CMSS1: variants seen among roughly 807,000 people sequenced by gnomAD.
CMSS1 encodes cms1 ribosomal small subunit homolog, also known as protein CMSS1.
In CMSS1, 33 loss-of-function variants were observed where a neutral mutation model predicts 43.5. The ratio of observed to expected loss-of-function variants is 0.76; its 90% CI spans 0.57 to 1.01. CMSS1 has a LOEUF of 1.01. Ranked by LOEUF, CMSS1 falls within the 50% of genes least tolerant of loss-of-function variation. The probability of loss-of-function intolerance (pLI) is 0.00; values close to 1 mark genes in which losing one functional copy is unlikely to be tolerated. For synonymous variants in CMSS1, 115 were observed against 117.2 expected, an observed-to-expected ratio of 0.98 and a Z score of 0.12; for missense variants, 313 against 326.4, an observed-to-expected ratio of 0.96 and a Z score of 0.32.
At chr3:100,053,954 C>T (rs1234102917) in intron 1 of CMSS1, among the ~76,000 whole-genome samples, 1 of 152,244 alleles carries the variant, frequency 6.6e-6, no homozygotes, top group Admixed American at 6.5e-5. Flanking sequence ...CTGGCCCACA[C>T]TTCTTCCCAA....
chr3:100,076,663 A>G (rs9823908), intron 1 of CMSS1, among the ~76,000 whole-genome samples: 27,633 of 152,060 alleles, frequency 0.18, 2,905 homozygotes, highest in South Asian at 0.25. Flanking sequence ...TTTACTGTTC[A>G]TTTTTCTGAT....
At chr3:99,894,424 A>G (rs888086251) in intron 1 of CMSS1, among the ~76,000 whole-genome samples, 9 of 151,700 alleles carry the variant, frequency 5.9e-5, no homozygotes, top group Admixed American at 2.0e-4. Context: ...CTGGTGTGCT[A>G]TTTTCTTGTT....
At chr3:99,956,677 C>T (rs1049976939) in intron 1 of CMSS1, among the ~76,000 whole-genome samples, 3 of 152,190 alleles carry the variant, frequency 2.0e-5, no homozygotes, top group African/African-American at 7.2e-5. Context: ...TCATAAGCAT[C>T]GCCTCTTAAA....
At chr3:99,829,175 T>C (rs1305947604) in intron 1 of CMSS1, among the ~76,000 whole-genome samples, 1 of 152,226 alleles carries the variant, frequency 6.6e-6, no homozygotes, top group Non-Finnish European at 1.5e-5. Flanking sequence ...TCCAGGGTCA[T>C]GCTTCCAGTT....
intron 6 of CMSS1, among the ~76,000 whole-genome samples, chr3:100,168,212 G>A (rs2067080619): frequency 6.6e-6 from 1 of 152,156 alleles, no homozygotes; most frequent in African/African-American, 2.4e-5. Flanking sequence ...AGAGGGGAGA[G>A]TAAGCACAAA....
intron 1 of CMSS1, among the ~76,000 whole-genome samples, chr3:100,020,015 G>C (rs1559727705): frequency 6.6e-6 from 1 of 152,126 alleles, no homozygotes; most frequent in African/African-American, 2.4e-5. Flanking sequence ...TAATATCACT[G>C]ATTCAGTAAT....
chr3:100,166,391 G>A lies in CMSS1; in HGVS notation c.412G>A (p.Glu138Lys). The change falls in exon 5 of 10, where the codon GAA becomes AAA. Residue 138 changes from glutamate to lysine, a missense_variant. Coordinates refer to ENST00000421999, the MANE Select transcript of CMSS1 (RefSeq NM_032359.4). ...TCACAGTCTTTCCTCATACCTAAAAGAAAGTAAGTAAACTCTGATTTTAAT... is the reference window on the plus strand; with the variant it reads ...TCACAGTCTTTCCTCATACCTAAAAAAAAGTAAGTAAACTCTGATTTTAAT... ...LTHSLSSYLK[E>K]ICPKWVKLRK... 1.3e-6 allele frequency: 2 copies of A among 1,571,214 alleles called. No homozygotes were observed. The highest frequency in any genetic ancestry group is 1.1e-5 in the South Asian group (1 of 90,202).
At chr3:100,014,612 A>G (rs1710264106) in intron 1 of CMSS1, among the ~76,000 whole-genome samples, 1 of 152,020 alleles carries the variant, frequency 6.6e-6, no homozygotes, top group East Asian at 1.9e-4. Context: ...ATTTTTTCAT[A>G]TACCTGTTGG....
intron 1 of CMSS1, among the ~76,000 whole-genome samples, chr3:99,902,496 G>GAT (rs756395464): frequency 6.6e-6 from 1 of 152,174 alleles, no homozygotes; most frequent in Non-Finnish European, 1.5e-5. Context: ...AAGTTATCTT[G>GAT]ATATATAAGG....
At chr3:99,898,873 A>G (rs1706347455) in intron 1 of CMSS1, 1 of 152,142 alleles carries the variant, frequency 6.6e-6, no homozygotes, top group South Asian at 2.1e-4. Context: ...AGAAGAAGGT[A>G]CAATTGAATG....
At chr3:99,949,826 C>A (rs1008472735) in intron 1 of CMSS1, among the ~76,000 whole-genome samples, 4 of 152,232 alleles carry the variant, frequency 2.6e-5, no homozygotes, top group Non-Finnish European at 5.9e-5. Flanking sequence ...AGAAATAATT[C>A]TTTGATTTGT....
At chr3:100,162,634 C>G (rs999445696) in intron 4 of CMSS1, among the ~76,000 whole-genome samples, 6 of 151,884 alleles carry the variant, frequency 4.0e-5, no homozygotes, top group African/African-American at 1.5e-4. Context: ...ACAGTGAGAC[C>G]TCATCGCTAT....
chr3:100,026,385 A>G (rs968188378), intron 1 of CMSS1, among the ~76,000 whole-genome samples: 1 of 152,050 alleles, frequency 6.6e-6, no homozygotes, highest in African/African-American at 2.4e-5. Flanking sequence ...GGCCAGACAT[A>G]AAACAAGGAG....
chr3:99,891,459 T>G (rs1165718498), intron 1 of CMSS1, among the ~76,000 whole-genome samples: 1 of 152,236 alleles, frequency 6.6e-6, no homozygotes, highest in Non-Finnish European at 1.5e-5. Flanking sequence ...TTCACTTTTA[T>G]TCAGTCTTTG....
intron 1 of CMSS1, among the ~76,000 whole-genome samples, chr3:100,034,330 T>C (rs2107269374): frequency 6.6e-6 from 1 of 152,278 alleles, no homozygotes; most frequent in African/African-American, 2.4e-5. Flanking sequence ...ATGGCAGCAG[T>C]AAGAAGTTAT....
At chr3:99,983,420 GTATGTATGTATGTATATATATGTA>G (rs1709201433) in intron 1 of CMSS1, among the ~76,000 whole-genome samples, 1 of 59,360 alleles carries the variant, frequency 1.7e-5, no homozygotes, top group African/African-American at 8.7e-5. Flanking sequence ...ATATATATAT[GTATGTATGTATGTATATATATGTA>G]TGTATATATA....
intron 1 of CMSS1, among the ~76,000 whole-genome samples, chr3:100,022,284 C>T (rs1439463310): frequency 6.6e-6 from 1 of 152,126 alleles, no homozygotes; most frequent in East Asian, 1.9e-4. Flanking sequence ...TCCATTGGTC[C>T]TCCACTCCAC....
chr3:100,034,916 T>G (rs922064129), intron 1 of CMSS1, among the ~76,000 whole-genome samples: 1 of 152,170 alleles, frequency 6.6e-6, no homozygotes. Context: ...TAGTCCACTT[T>G]CCTATTTTAA....
intron 1 of CMSS1, among the ~76,000 whole-genome samples, chr3:99,843,622 G>A (rs141791403): frequency 1.3e-5 from 2 of 152,270 alleles, no homozygotes; most frequent in African/African-American, 4.8e-5. Flanking sequence ...CTAACCTACT[G>A]AATATCATGG....
Sources: gnomAD v4.1 joint callset for allele counts (sites outside exome capture counted in the v4.1 genomes callset) on GRCh38, gnomAD v4.1.1 for gene constraint, MANE v1.5 for transcripts, NCBI Gene and HGNC (gene_info 2026-07-23, HGNC 2026-07-21) for gene names.